Variants in SI observed in about 807,000 individuals in gnomAD.
SI encodes sucrase-isomaltase.
SI carries 235 observed loss-of-function variants against 253.3 expected under a neutral mutation model. The ratio of observed to expected loss-of-function variants is 0.93; its 90% CI spans 0.83 to 1.03. The LOEUF (loss-of-function observed/expected upper bound fraction) is 1.03, where lower values mean the gene tolerates loss of function less well. Ranked by LOEUF, SI falls within the 50% of genes least tolerant of loss-of-function variation. The pLI is 0.00. For synonymous variants in SI, 819 were observed against 712.0 expected (o/e 1.15, Z -2.39); for missense variants, 2,442 against 2,211.1 (o/e 1.10, Z -2.09).
At chr3:165,047,178 G>A (rs1213778053) in intron 15 of SI, among the ~76,000 whole-genome samples, 166 bp from the exon 16 acceptor site, 3 of 152,076 alleles carry the variant, frequency 2.0e-5, no homozygotes, top group Admixed American at 6.6e-5. Flanking sequence ...TGTTGTGAGA[G>A]AAACCCGATG....
chr3:165,078,793 TATA>T (rs1415087528), upstream of SI, among the ~76,000 whole-genome samples: 1 of 151,626 alleles, frequency 6.6e-6, no homozygotes, highest in Non-Finnish European at 1.5e-5. Flanking sequence ...TGGATTTTGT[TATA>T]ATAACTATTT....
intron 6 of SI, among the ~76,000 whole-genome samples, chr3:165,066,243 T>C (rs960674132): frequency 1.6e-4 from 24 of 151,962 alleles, no homozygotes; most frequent in African/African-American, 5.3e-4. Flanking sequence ...ATGCAAATAT[T>C]ATACAATTTT....
chr3:164,982,502 C>A, intron 46 of SI, 92 bp from the exon 47 acceptor site: 1 of 880,318 alleles, frequency 1.1e-6, no homozygotes, highest in Non-Finnish European at 1.8e-6. Context: ...AAATGTATTT[C>A]GTAGTATAAT....
At chr3:164,986,525 T>C (rs544294725) in intron 45 of SI, among the ~76,000 whole-genome samples, 1 of 152,338 alleles carries the variant, frequency 6.6e-6, no homozygotes, top group South Asian at 2.1e-4. Context: ...TTATACACTT[T>C]TTGTCCAATC....
At position 164,994,337 on chromosome 3, in the gene SI, GTATCTAATAT is replaced by G; in HGVS notation, c.4751_4760del (p.Asn1584ThrfsTer61). On this transcript the variant is annotated frameshift_variant, in exon 41 of 48. Transcript: ENST00000264382. LOFTEE classifies it high-confidence loss of function. ...GTGTGTAAAAATAGGGCAATAAGGT[GTATCTAATAT>G]TTAGAATATTCCTTGACATTTCAGC... 6.2e-7 allele frequency: 1 copy of G among 1,610,474 alleles called. No individual in the cohort carries two copies. The highest frequency in any genetic ancestry group is 1.7e-5 in the Admixed American group (1 of 59,804).
chr3:165,064,007 T>A (rs1714102660), intron 7 of SI, among the ~76,000 whole-genome samples: 2 of 150,752 alleles, frequency 1.3e-5, no homozygotes, highest in East Asian at 3.9e-4. Context: ...GAGGCGGAGG[T>A]CGCAGTGATT....
At chr3:164,984,410 T>C (rs1717341518) in intron 45 of SI, among the ~76,000 whole-genome samples, 1 of 152,142 alleles carries the variant, frequency 6.6e-6, no homozygotes, top group Admixed American at 6.6e-5. Context: ...CAAGACATAT[T>C]AGTGTCAATA....
At chr3:165,009,434 T>TA in intron 34 of SI, 39 bp from the exon 35 acceptor site, 1 of 1,054,844 alleles carries the variant, frequency 9.5e-7, no homozygotes, top group South Asian at 1.3e-5. Context: ...TGGAAAGTCT[T>TA]AAGAGAGATT....
chr3:165,088,465 A>T, the SI span, among the ~76,000 whole-genome samples: 1 of 152,010 alleles, frequency 6.6e-6, no homozygotes, highest in Non-Finnish European at 1.5e-5. Context: ...CAATATGGTG[A>T]AACCCCGTCT....
Position 165,059,290 on chromosome 3 carries a change from C to T in SI, c.1156G>A (p.Val386Ile), listed in dbSNP as rs374970347. 6.2e-7 allele frequency: 1 copy of T among 1,612,160 alleles called. No homozygotes were observed. Among genetic ancestry groups the T allele is most frequent in the Non-Finnish European group, 8.5e-7 (1 of 1,178,738 alleles). Residue 386 changes from valine (V) to isoleucine (I), a missense_variant, in exon 11 of 48, where the codon GTC (valine) becomes ATC (isoleucine). Coordinates refer to ENST00000264382, the MANE Select transcript of SI (RefSeq NM_001041.4). ...TCTTCCATGTAGTCAATATCAGTGACCTGTGTATCCTGAAAGTTAGAAGAT... is the reference window on the plus strand; with the variant it reads ...TCTTCCATGTAGTCAATATCAGTGATCTGTGTATCCTGAAAGTTAGAAGAT... ...REAGIPFDTQ[V>I]TDIDYMEDKK... is the part of the protein sequence containing the mutation.
At chr3:164,998,980 T>C (rs73163446) in intron 37 of SI, among the ~76,000 whole-genome samples, 17,597 of 151,850 alleles carry the variant, frequency 0.12, 1,514 homozygotes, top group Middle Eastern at 0.18. Context: ...ATTCATCACA[T>C]TGAGCTTTTT....
At chr3:165,055,606 T>C (rs1454871068) in intron 12 of SI, among the ~76,000 whole-genome samples, 3 of 151,968 alleles carry the variant, frequency 2.0e-5, no homozygotes, top group African/African-American at 7.2e-5. Context: ...GATAGTTTAA[T>C]ACATACACAA....
chr3:165,026,114 C>A (rs996873185), intron 25 of SI, among the ~76,000 whole-genome samples: 3 of 151,038 alleles, frequency 2.0e-5, no homozygotes, highest in Non-Finnish European at 4.5e-5. Flanking sequence ...AGGACTCACA[C>A]AAACTCAAGA....
At chr3:165,073,579 G>C (rs1714739679) in intron 3 of SI, among the ~76,000 whole-genome samples, 1 of 152,010 alleles carries the variant, frequency 6.6e-6, no homozygotes, top group South Asian at 2.1e-4. Context: ...GTGTGGTAAG[G>C]TGGAGTGGAG....
chr3:165,055,637 T>C (rs1713660542), intron 12 of SI, among the ~76,000 whole-genome samples: 1 of 152,008 alleles, frequency 6.6e-6, no homozygotes, highest in African/African-American at 2.4e-5. Context: ...ATATAATATA[T>C]TTTATATCCC....
intron 13 of SI, among the ~76,000 whole-genome samples, chr3:165,052,458 C>T (rs1012192831): frequency 6.6e-6 from 1 of 152,072 alleles, no homozygotes; most frequent in Non-Finnish European, 1.5e-5. Context: ...GAGTTCCAGA[C>T]CAGCCTGGCC....
At chr3:165,060,826 A>ATT (rs2108251388) in intron 9 of SI, among the ~76,000 whole-genome samples, 1 of 146,834 alleles carries the variant, frequency 6.8e-6, no homozygotes, top group Non-Finnish European at 1.5e-5. Flanking sequence ...TCATATATAT[A>ATT]TTATATATAT....
intron 16 of SI, among the ~76,000 whole-genome samples, chr3:165,044,550 T>C (rs957811325): frequency 6.6e-6 from 1 of 151,992 alleles, no homozygotes; most frequent in Admixed American, 6.6e-5. Context: ...TGGGTCCCTA[T>C]AGATTACTCT....
intron 25 of SI, among the ~76,000 whole-genome samples, chr3:165,027,282 C>T (rs932686009): frequency 6.6e-6 from 1 of 150,862 alleles, no homozygotes; most frequent in African/African-American, 2.4e-5. Context: ...CTCAGCAGAT[C>T]AATAACAAGA....
Sources: allele counts gnomAD v4.1 joint callset (sites outside exome capture counted in the v4.1 genomes callset), GRCh38; gene constraint gnomAD v4.1.1; transcripts MANE v1.5; gene names NCBI Gene and HGNC (gene_info 2026-07-23, HGNC 2026-07-21).